The following MYO10 variants were observed in gnomAD, a reference collection of about 807,000 sequenced individuals.
MYO10 encodes unconventional myosin-X.
Under a neutral mutation model 257.3 loss-of-function variants are expected in MYO10, and 133 were observed. The ratio of observed to expected loss-of-function variants is 0.52; its 90% CI spans 0.45 to 0.60. The LOEUF (loss-of-function observed/expected upper bound fraction) is 0.60, where lower values mean the gene tolerates loss of function less well. Among genes scored for constraint, MYO10 ranks in the 20% least tolerant of loss-of-function variants. The pLI is 0.00. For synonymous variants in MYO10, 1,104 were observed against 1,028.6 expected (o/e 1.07, Z -1.40); for missense variants, 2,399 against 2,635.7 (o/e 0.91, Z 1.97).
chr5:16,681,544 A>G (rs1308766620), intron 31 of MYO10, 41 bp from the exon 32 acceptor site: 3 of 1,537,292 alleles, frequency 2.0e-6, no homozygotes, highest in African/African-American at 2.7e-5. Context: ...ATCTGTGAGG[A>G]GAAACCCCAA....
chr5:16,847,901 A>G (rs762111569), intron 2 of MYO10, among the ~76,000 whole-genome samples: 2 of 152,208 alleles, frequency 1.3e-5, no homozygotes, highest in Admixed American at 1.3e-4. Flanking sequence ...TGTCTCTAAA[A>G]AAATAATAAA....
chr5:16,793,040 T>G (rs1159331120), intron 4 of MYO10, among the ~76,000 whole-genome samples: 1 of 152,168 alleles, frequency 6.6e-6, no homozygotes, highest in Non-Finnish European at 1.5e-5. Flanking sequence ...GTCGGAATCT[T>G]CGTTCACACT....
At chr5:16,933,490 G>A (rs1746350003) in intron 1 of MYO10, among the ~76,000 whole-genome samples, 1 of 152,148 alleles carries the variant, frequency 6.6e-6, no homozygotes, top group African/African-American at 2.4e-5. Flanking sequence ...TTAAACTGTT[G>A]TCCAACAAGC....
chr5:16,836,533 T>C (rs775767739), intron 2 of MYO10, among the ~76,000 whole-genome samples: 5 of 152,098 alleles, frequency 3.3e-5, no homozygotes, highest in Non-Finnish European at 7.3e-5. Flanking sequence ...TGGAAACTGA[T>C]GAAAATATGA....
chr5:16,737,701 G>A (rs1452287645), intron 19 of MYO10, among the ~76,000 whole-genome samples: 1 of 152,172 alleles, frequency 6.6e-6, no homozygotes, highest in African/African-American at 2.4e-5. Flanking sequence ...AGGTGGTTTT[G>A]CCCCCTGGGG....
At chr5:16,923,559 T>A (rs1428372609) in intron 1 of MYO10, among the ~76,000 whole-genome samples, 1 of 151,782 alleles carries the variant, frequency 6.6e-6, no homozygotes, top group East Asian at 1.9e-4. Flanking sequence ...AGTGCTGGGA[T>A]CACAGGCATG....
At chr5:16,730,881 A>G (rs1461904662) in intron 19 of MYO10, among the ~76,000 whole-genome samples, 1 of 152,122 alleles carries the variant, frequency 6.6e-6, no homozygotes, top group Non-Finnish European at 1.5e-5. Flanking sequence ...CTGATGTTAG[A>G]TGCTCTCAGT....
chr5:16,700,677 A>G (rs1292504240), intron 25 of MYO10, among the ~76,000 whole-genome samples: 2 of 152,102 alleles, frequency 1.3e-5, no homozygotes, highest in African/African-American at 2.4e-5. Flanking sequence ...CTCCACCTCA[A>G]AAACAACAAC....
In MYO10 at chr5:16,666,502, G is replaced by C. The variant is rs1027378527; in HGVS notation, c.*190C>G. 5.5e-6 allele frequency: 3 copies of C among 550,142 alleles called. No individual in the cohort carries two copies. In the African/African-American group the frequency reaches 5.8e-5, roughly 11 times the overall value. 34.1% of individuals were successfully genotyped at this position (550,142 alleles called of 1,614,324 possible). A position where few individuals can be genotyped will look rare whatever the true frequency, so the allele number is the denominator to read the frequency against. On this transcript the variant is annotated 3_prime_UTR_variant, in exon 41 of 41. Coordinates refer to ENST00000513610, the MANE Select transcript of MYO10 (RefSeq NM_012334.3). ...GGAAACTGTGCAGACTGTTAAAGTT[G>C]ACAGCTTAATACAGGATCAATGAAG...
At chr5:16,764,417 C>A in intron 11 of MYO10, 21 bp from the exon 12 acceptor site, 1 of 1,612,610 alleles carries the variant, frequency 6.2e-7, no homozygotes, top group Non-Finnish European at 8.5e-7. Context: ...GAAACCAGCA[C>A]AGACTCAGCT....
At chr5:16,680,378 C>A (rs925759123) in intron 32 of MYO10, among the ~76,000 whole-genome samples, 2 of 152,146 alleles carry the variant, frequency 1.3e-5, no homozygotes, top group Admixed American at 1.3e-4. Flanking sequence ...TGATAACTGG[C>A]TCTGGAAGGG....
At chr5:16,775,198 G>T (rs966675232) in intron 9 of MYO10, among the ~76,000 whole-genome samples, 5 of 152,226 alleles carry the variant, frequency 3.3e-5, no homozygotes, top group African/African-American at 1.2e-4. Flanking sequence ...TTGAAGGGCT[G>T]TATAAGAAAT....
At chr5:16,933,615 C>G (rs1746353270) in intron 1 of MYO10, among the ~76,000 whole-genome samples, 1 of 152,226 alleles carries the variant, frequency 6.6e-6, no homozygotes, top group South Asian at 2.1e-4. Flanking sequence ...CACTTCCACA[C>G]TCGCTGTTTC....
chr5:16,708,317 C>T (rs973887138), intron 21 of MYO10, among the ~76,000 whole-genome samples: 1 of 152,170 alleles, frequency 6.6e-6, no homozygotes, highest in African/African-American at 2.4e-5. Flanking sequence ...TTAATTCATC[C>T]ACTGTGTGTG....
intron 2 of MYO10, among the ~76,000 whole-genome samples, chr5:16,843,734 T>C (rs1743551750): frequency 6.6e-6 from 1 of 152,062 alleles, no homozygotes; most frequent in African/African-American, 2.4e-5. Flanking sequence ...GCACATCAAA[T>C]ATATAGTGAT....
At chr5:16,935,525 C>A (rs544538783) in intron 1 of MYO10, among the ~76,000 whole-genome samples, 6 of 152,194 alleles carry the variant, frequency 3.9e-5, no homozygotes, top group African/African-American at 1.4e-4. Flanking sequence ...CCCAGGGCGC[C>A]CCGAGAGCCA....
At chr5:16,771,868 A>C (rs1741060894) in intron 9 of MYO10, among the ~76,000 whole-genome samples, 1 of 150,504 alleles carries the variant, frequency 6.6e-6, no homozygotes, top group Non-Finnish European at 1.5e-5. Flanking sequence ...GGCATGAGCC[A>C]CCGTGCCCAG....
chr5:16,864,602 G>A (rs554201727), intron 2 of MYO10, among the ~76,000 whole-genome samples: 3 of 152,324 alleles, frequency 2.0e-5, no homozygotes, highest in South Asian at 2.1e-4. Flanking sequence ...GGACAAGAGC[G>A]TGGCCTGCTT....
chr5:16,927,110 A>T (rs1356203811), intron 1 of MYO10, among the ~76,000 whole-genome samples: 1 of 152,210 alleles, frequency 6.6e-6, no homozygotes, highest in Admixed American at 6.5e-5. Context: ...TGATATGGGA[A>T]CTGAATTTGT....
Sources: allele counts gnomAD v4.1 joint callset (sites outside exome capture counted in the v4.1 genomes callset), GRCh38; gene constraint gnomAD v4.1.1; transcripts MANE v1.5; gene names NCBI Gene and HGNC (gene_info 2026-07-23, HGNC 2026-07-21).